TOX3: variants seen among roughly 807,000 people sequenced by gnomAD.
TOX3 encodes the protein TOX high mobility group box family member 3, also known as CAG trinucleotide repeat-containing gene F9 protein.
Under a neutral mutation model 64.3 loss-of-function variants are expected in TOX3, and 22 were observed. The ratio of observed to expected loss-of-function variants is 0.34; its 90% confidence interval spans 0.24 to 0.49. TOX3 has a LOEUF of 0.49. TOX3 is among the 20% of genes least tolerant of loss of function. TOX3 has a pLI of 0.99. For missense variants in TOX3, 661 were observed against 714.4 expected (o/e 0.93, Z 0.85); for synonymous variants, 291 against 273.6 (o/e 1.06, Z -0.63).
chr16:52,513,504 A>G (rs1193176359), intron 1 of TOX3, among the ~76,000 whole-genome samples: 1 of 152,226 alleles, frequency 6.6e-6, no homozygotes, highest in Non-Finnish European at 1.5e-5. Context: ...ACTAAAACCT[A>G]AAGTCTCCTA....
chr16:52,526,561 G>A (rs1962731617), intron 1 of TOX3, among the ~76,000 whole-genome samples: 1 of 151,434 alleles, frequency 6.6e-6, no homozygotes, highest in Non-Finnish European at 1.5e-5. Context: ...GGTGGTGGGG[G>A]AGGGCTGGTT....
chr16:52,446,294 A>G (rs879712815), intron 4 of TOX3, 73 bp from the exon 5 acceptor site: 2 of 1,468,400 alleles, frequency 1.4e-6, no homozygotes, highest in East Asian at 2.3e-5. Context: ...ACTCAGATCC[A>G]TAATTGTTCT....
At chr16:52,445,141 A>C (rs1190040228) in intron 5 of TOX3, 3 of 152,224 alleles carry the variant, frequency 2.0e-5, no homozygotes. Flanking sequence ...AACTCAGTGC[A>C]AACTAAAAAG....
chr16:52,526,755 C>T (rs1015639145), intron 1 of TOX3, among the ~76,000 whole-genome samples: 3 of 152,268 alleles, frequency 2.0e-5, no homozygotes, highest in African/African-American at 7.2e-5. Context: ...GTAGTCTTTG[C>T]GATTTTCTGT....
At chr16:52,534,755 A>C (rs918985043) in intron 1 of TOX3, among the ~76,000 whole-genome samples, 2 of 152,214 alleles carry the variant, frequency 1.3e-5, no homozygotes, top group African/African-American at 4.8e-5. Context: ...TCAAAAAGGA[A>C]AAACATCATG....
chr16:52,477,425 G>A (rs1365781588), intron 1 of TOX3, among the ~76,000 whole-genome samples: 1 of 152,204 alleles, frequency 6.6e-6, no homozygotes, highest in Non-Finnish European at 1.5e-5. Context: ...AGATGCACAA[G>A]AGTAGTATTA....
chr16:52,456,903 T>C (rs1960534524), intron 3 of TOX3, among the ~76,000 whole-genome samples: 2 of 152,200 alleles, frequency 1.3e-5, no homozygotes, highest in South Asian at 2.1e-4. Flanking sequence ...GTGAAAGACT[T>C]AATTAGCCCC....
At chr16:52,444,612 G>T (rs1220457894) in intron 5 of TOX3, 2 of 341,832 alleles carry the variant, frequency 5.9e-6, no homozygotes, top group African/African-American at 2.1e-5. Context: ...ATAAGAAAAA[G>T]ATTTCTGGAT....
chr16:52,502,227 A>T (rs1051593151), intron 1 of TOX3, among the ~76,000 whole-genome samples: 1 of 152,236 alleles, frequency 6.6e-6, no homozygotes, highest in Admixed American at 6.5e-5. Context: ...GCCATTCAGG[A>T]ACAAGATTTC....
At chr16:52,522,701 C>T (rs1962637122) in intron 1 of TOX3, among the ~76,000 whole-genome samples, 1 of 152,128 alleles carries the variant, frequency 6.6e-6, no homozygotes, top group Admixed American at 6.5e-5. Flanking sequence ...CAGGGAGAGT[C>T]CCAGGAAACC....
chr16:52,486,127 CA>C (rs1961524678), intron 1 of TOX3, among the ~76,000 whole-genome samples: 1 of 152,056 alleles, frequency 6.6e-6, no homozygotes. Context: ...TGCTGGTGTT[CA>C]ATGAATGAGG....
chr16:52,539,897 G>A (rs1963037491), intron 1 of TOX3, among the ~76,000 whole-genome samples: 1 of 152,068 alleles, frequency 6.6e-6, no homozygotes, highest in Non-Finnish European at 1.5e-5. Context: ...GTTCTGTTTA[G>A]TGCTTTCTTT....
chr16:52,461,602 G>GGCTT (rs1960691632), intron 3 of TOX3, among the ~76,000 whole-genome samples: 1 of 152,038 alleles, frequency 6.6e-6, no homozygotes, highest in African/African-American at 2.4e-5. Flanking sequence ...TCAACAAGCT[G>GGCTT]GCTTTTCTTC....
At chr16:52,505,547 G>A (rs543684403) in intron 1 of TOX3, among the ~76,000 whole-genome samples, 1 of 152,260 alleles carries the variant, frequency 6.6e-6, no homozygotes, top group South Asian at 2.1e-4. Flanking sequence ...GCTCGTGACT[G>A]GATTTTGCCA....
intron 6 of TOX3, 94 bp downstream of exon 6, chr16:52,444,182 C>A: frequency 2.1e-6 from 2 of 964,654 alleles, no homozygotes; most frequent in South Asian, 2.4e-5. Flanking sequence ...TTTCCATCAA[C>A]TTTTAGGGGA....
In TOX3 at chr16:52,436,640, G is replaced by A. The variant is rs535273899; in HGVS notation, c.*2585C>T. 1.8e-4 allele frequency: 28 copies of A among 152,330 alleles called. No individual in the cohort carries two copies. Among genetic ancestry groups the A allele is most frequent in the African/African-American group, 6.7e-4 (28 of 41,540 alleles). The allele number at this position is 152,330 out of a possible 1,614,324, so 9.4% of individuals were successfully genotyped here. On this transcript the variant is annotated 3_prime_UTR_variant, in exon 7 of 7. Coordinates refer to ENST00000219746, the MANE Select transcript of TOX3 (RefSeq NM_001080430.4). ...ACATTTTAAATATGTAGTTTTGCCTGGTGATTAATTTTATAAACTGTAGTC... is the reference window on the plus strand; with the variant it reads ...ACATTTTAAATATGTAGTTTTGCCTAGTGATTAATTTTATAAACTGTAGTC...
At chr16:52,522,121 A>C (rs935334679) in intron 1 of TOX3, among the ~76,000 whole-genome samples, 4 of 152,232 alleles carry the variant, frequency 2.6e-5, no homozygotes, top group African/African-American at 9.6e-5. Flanking sequence ...AAATATCAAT[A>C]GTATTCCATG....
Position 52,546,876 on chromosome 16 carries a change from G to C in TOX3, c.-153C>G, listed in dbSNP as rs1963208910. The C allele has an allele frequency of 6.8e-6, 8 of 1,183,628 alleles. No homozygotes were observed. Among genetic ancestry groups the C allele is most frequent in the African/African-American group, 1.6e-5 (1 of 62,386 alleles). 73.3% of individuals were successfully genotyped at this position (1,183,628 alleles called of 1,614,324 possible). A position where few individuals can be genotyped will look rare whatever the true frequency, so the allele number is the denominator to read the frequency against. On this transcript the variant is annotated 5_prime_UTR_variant, in exon 1 of 7. Transcript: ENST00000219746. ...GGCGCCGGGACCCAGAGCCCGAGGA[G>C]CTCGGGAGCCGCGGCCGCCGCACAC... is the stretch of plus-strand genomic sequence containing the variant.
At chr16:52,527,866 C>A (rs1325390408) in intron 1 of TOX3, among the ~76,000 whole-genome samples, 2 of 152,120 alleles carry the variant, frequency 1.3e-5, no homozygotes, top group Non-Finnish European at 2.9e-5. Context: ...TGGCTCTGAA[C>A]CAGGGGACGT....
Sources: gnomAD v4.1 joint callset for allele counts (sites outside exome capture counted in the v4.1 genomes callset) on GRCh38, gnomAD v4.1.1 for gene constraint, MANE v1.5 for transcripts, NCBI Gene and HGNC (gene_info 2026-07-23, HGNC 2026-07-21) for gene names.